MAP4K3: variants seen among roughly 807,000 people sequenced by gnomAD.
The protein encoded by MAP4K3 is MAPK/ERK kinase kinase kinase 3.
MAP4K3 carries 94 observed loss-of-function variants against 143.5 expected under a neutral mutation model. The ratio of observed to expected loss-of-function variants is 0.65; its 90% CI spans 0.55 to 0.78. The LOEUF is 0.78. MAP4K3 is among the 30% of genes least tolerant of loss of function. MAP4K3 has a pLI of 0.00. For synonymous variants in MAP4K3, 416 were observed against 347.2 expected (o/e 1.20, Z -2.20); for missense variants, 1,077 against 1,068.1 (o/e 1.01, Z -0.12).
Position 39,369,193 on chromosome 2 carries a change from G to GTTTTTTTTTGTTTTT in MAP4K3, c.154+8872_154+8873insAAAAACAAAAAAAAA, listed in dbSNP as rs1553419597. Reference sequence around the variant, plus strand: ...GGGTAAAATCTAAACCTTTGGGCTAGTTTTTTTTTTTGTTTTTTTTGAGAT... The same window carrying GTTTTTTTTTGTTTTT: ...GGGTAAAATCTAAACCTTTGGGCTAGTTTTTTTTTGTTTTTTTTTTTTTTTTGTTTTTTTTGAGAT... On this transcript the variant is annotated intron_variant, in intron 2 of 33. Transcript: ENST00000263881. Among the ~76,000 whole-genome samples the GTTTTTTTTTGTTTTT allele has an allele frequency of 3.7e-4, 14 of 37,968 alleles. No individual in the cohort carries two copies. The Admixed American group carries it at 5.7e-3, about 16-fold the overall frequency. 24.9% of individuals were successfully genotyped at this position (37,968 alleles called of 152,430 possible). A position where few individuals can be genotyped will look rare whatever the true frequency, so the allele number is the denominator to read the frequency against.
chr2:39,341,268 C>A (rs574089090), intron 4 of MAP4K3, among the ~76,000 whole-genome samples: 1 of 152,224 alleles, frequency 6.6e-6, no homozygotes, highest in South Asian at 2.1e-4. Flanking sequence ...AAGAAAATAC[C>A]TGTCAACCTA....
intron 1 of MAP4K3, among the ~76,000 whole-genome samples, chr2:39,384,581 G>T (rs1666443062): frequency 6.6e-6 from 1 of 152,084 alleles, no homozygotes; most frequent in South Asian, 2.1e-4. Context: ...AGAAAACCCA[G>T]CATTGTCCAA....
intron 1 of MAP4K3, among the ~76,000 whole-genome samples, chr2:39,378,406 C>A (rs1666276857): frequency 6.6e-6 from 1 of 152,140 alleles, no homozygotes; most frequent in Non-Finnish European, 1.5e-5. Flanking sequence ...TTAATCCTCA[C>A]AACAACCTTA....
intron 29 of MAP4K3, among the ~76,000 whole-genome samples, chr2:39,259,431 C>A (rs972014443): frequency 1.3e-5 from 2 of 152,122 alleles, no homozygotes; most frequent in Non-Finnish European, 2.9e-5. Flanking sequence ...CTTACCAATA[C>A]CCCTAGTGAA....
chr2:39,428,842 G>A (rs1665184426), intron 1 of MAP4K3, among the ~76,000 whole-genome samples: 1 of 151,662 alleles, frequency 6.6e-6, no homozygotes, highest in Admixed American at 6.6e-5. Flanking sequence ...GGCTGAGGCG[G>A]GTGGATCACG....
chr2:39,296,918 T>G (rs888761534), intron 16 of MAP4K3, among the ~76,000 whole-genome samples: 1 of 152,204 alleles, frequency 6.6e-6, no homozygotes, highest in Non-Finnish European at 1.5e-5. Flanking sequence ...TTATCCATTT[T>G]ACTAGCAATA....
intron 1 of MAP4K3, among the ~76,000 whole-genome samples, chr2:39,400,794 C>T (rs1391991744): frequency 6.6e-6 from 1 of 152,102 alleles, no homozygotes; most frequent in Non-Finnish European, 1.5e-5. Context: ...TAATTTTCAG[C>T]TTCCAAAAGA....
At chr2:39,363,733 T>A (rs1375632550) in intron 2 of MAP4K3, among the ~76,000 whole-genome samples, 1 of 151,318 alleles carries the variant, frequency 6.6e-6, no homozygotes, top group Middle Eastern at 3.4e-3. Context: ...ATAGCTTGAT[T>A]TGATCATTTC....
At chr2:39,414,546 C>T (rs1452577951) in intron 1 of MAP4K3, among the ~76,000 whole-genome samples, 2 of 152,172 alleles carry the variant, frequency 1.3e-5, no homozygotes, top group Non-Finnish European at 2.9e-5. Context: ...TTCTTCTACT[C>T]TGTCTGCCTA....
intron 12 of MAP4K3, among the ~76,000 whole-genome samples, chr2:39,320,764 A>G (rs1211820170): frequency 1.3e-5 from 2 of 152,178 alleles, no homozygotes; most frequent in Non-Finnish European, 1.5e-5. Flanking sequence ...CATCTATTTC[A>G]TGTAATTATT....
chr2:39,390,235 G>A lies in MAP4K3; in HGVS notation c.97-12112C>T, dbSNP rs1348545413. Among the ~76,000 whole-genome samples the A allele has an allele frequency of 3.9e-5, 6 of 152,306 alleles. No individual in the cohort carries two copies. The South Asian group carries it at 1.2e-3, about 32-fold the overall frequency. ...TAGGTAGGACCCAATGATTTTTAAAGTCCTGTTGTGCCTTCAGATTGCCAC... is the reference window on the plus strand; with the variant it reads ...TAGGTAGGACCCAATGATTTTTAAAATCCTGTTGTGCCTTCAGATTGCCAC... On this transcript the variant is annotated intron_variant, in intron 1 of 33. Transcript: ENST00000263881.
chr2:39,386,043 C>G (rs560178692), intron 1 of MAP4K3, among the ~76,000 whole-genome samples: 57 of 152,286 alleles, frequency 3.7e-4, no homozygotes, highest in Admixed American at 7.8e-4. Context: ...GAAGTCCCAA[C>G]CCCCAGCACT....
chr2:39,352,206 T>C (rs1190507249), intron 3 of MAP4K3, among the ~76,000 whole-genome samples: 1 of 151,954 alleles, frequency 6.6e-6, no homozygotes, highest in East Asian at 1.9e-4. Flanking sequence ...CAGAAGAATC[T>C]CTAGAACTCG....
chr2:39,437,240 A>C lies in MAP4K3; in HGVS notation c.-253T>G, dbSNP rs1665526367. The C allele has an allele frequency of 3.5e-6, 1 of 289,682 alleles. No homozygotes were observed. The highest frequency in any genetic ancestry group is 6.3e-6 in the Non-Finnish European group (1 of 157,558). 17.9% of individuals were successfully genotyped at this position (289,682 alleles called of 1,614,324 possible). ...CTGGTCACACCCACAAGGAGAGGAGAACCCTCGCAGCCCCTCGCTCGGGGT... is the reference window on the plus strand; with the variant it reads ...CTGGTCACACCCACAAGGAGAGGAGCACCCTCGCAGCCCCTCGCTCGGGGT... On this transcript the variant is annotated 5_prime_UTR_variant, in exon 1 of 34. Coordinates refer to ENST00000263881, the MANE Select transcript of MAP4K3 (RefSeq NM_003618.4).
chr2:39,270,979 T>C (rs1335607965), intron 26 of MAP4K3, among the ~76,000 whole-genome samples: 1 of 151,738 alleles, frequency 6.6e-6, no homozygotes, highest in Non-Finnish European at 1.5e-5. Flanking sequence ...AACTAAAGAT[T>C]GACTATAATA....
In MAP4K3 at chr2:39,274,066, G is replaced by A. The variant is rs188673834; in HGVS notation, c.1795-1524C>T. Among the ~76,000 whole-genome samples the A allele has an allele frequency of 4.3e-3, 660 of 152,232 alleles. 3 individuals carry two copies. The highest frequency in any genetic ancestry group is 0.019 in the South Asian group (90 of 4,822). On this transcript the variant is annotated intron_variant, in intron 24 of 33. Transcript: ENST00000263881. Reference sequence around the variant, plus strand: ...ACTATAAAATTATATACTTCCAAATGTAAGTAGGTTTGCTTATTTAATATA... The same window carrying A: ...ACTATAAAATTATATACTTCCAAATATAAGTAGGTTTGCTTATTTAATATA...
intron 3 of MAP4K3, among the ~76,000 whole-genome samples, chr2:39,350,047 G>C (rs1207320698): frequency 6.6e-6 from 1 of 152,080 alleles, no homozygotes; most frequent in Non-Finnish European, 1.5e-5. Flanking sequence ...CACAACTAGG[G>C]GAAAGGGTGC....
At chr2:39,424,064 C>G (rs1400327421) in intron 1 of MAP4K3, among the ~76,000 whole-genome samples, 1 of 152,130 alleles carries the variant, frequency 6.6e-6, no homozygotes, top group African/African-American at 2.4e-5. Flanking sequence ...CTGCCTCAGC[C>G]TCCTGAGTAG....
chr2:39,354,984 C>T (rs1200947613), intron 3 of MAP4K3, among the ~76,000 whole-genome samples: 2 of 152,046 alleles, frequency 1.3e-5, no homozygotes, highest in African/African-American at 4.8e-5. Flanking sequence ...ATGACTCACA[C>T]CTGTAATTTC....
Sources: allele counts gnomAD v4.1 joint callset (sites outside exome capture counted in the v4.1 genomes callset), GRCh38; gene constraint gnomAD v4.1.1; transcripts MANE v1.5; gene names NCBI Gene and HGNC (gene_info 2026-07-23, HGNC 2026-07-21).